Variants in PLEKHG6 observed in about 807,000 individuals in gnomAD.
The protein encoded by PLEKHG6 is pleckstrin homology and RhoGEF domain containing G6, also known as pleckstrin homology domain-containing family G member 6.
PLEKHG6 carries 91 observed loss-of-function variants against 97.5 expected under a neutral mutation model. That is an observed-to-expected ratio of 0.93 (90% confidence interval 0.79 to 1.11). The LOEUF (loss-of-function observed/expected upper bound fraction) is 1.11. Ranked by LOEUF, PLEKHG6 falls within the 50% of genes most tolerant of loss-of-function variation. The pLI is 0.00. For synonymous variants in PLEKHG6, 466 were observed against 425.5 expected, an observed-to-expected ratio of 1.10 and a Z score of -1.17; for missense variants, 1,044 against 1,031.0, an observed-to-expected ratio of 1.01 and a Z score of -0.17.
chr12:6,312,201 T>C lies in PLEKHG6; in HGVS notation c.-26T>C, dbSNP rs1292205202. On this transcript the variant is annotated 5_prime_UTR_variant, in exon 2 of 16. Transcript: ENST00000684764. ...CTCCTGGACATTGAAGATATGGCCC[T>C]TTGGAGGTGACCCAGGAGAGAAGGG... The C allele has an allele frequency of 2.7e-6, 4 of 1,464,306 alleles. No homozygotes were observed. The highest frequency in any genetic ancestry group is 1.8e-4 in the Middle Eastern group (1 of 5,534). 90.7% of individuals were successfully genotyped at this position (1,464,306 alleles called of 1,614,324 possible).
chr12:6,313,268 A>G (rs1947335914), intron 2 of PLEKHG6: 3 of 1,320,266 alleles, frequency 2.3e-6, no homozygotes, highest in Non-Finnish European at 3.2e-6. Flanking sequence ...TGTGTGCACC[A>G]CGCCTTGTCC....
At position 6,316,914 on chromosome 12, in the gene PLEKHG6, A is replaced by C. The variant is rs536845147; in HGVS notation, c.757-389A>C. 2.0e-5 allele frequency among the ~76,000 whole-genome samples: 3 copies of C among 152,276 alleles called. No individual in the cohort carries two copies. The highest frequency in any genetic ancestry group is 2.0e-4 in the Admixed American group (3 of 15,302). ...CCTGGGAGCCTTAGGTACCCCCTCCATAGGAGCAAGGCTTCTGAGCCAACT... is the reference window on the plus strand; with the variant it reads ...CCTGGGAGCCTTAGGTACCCCCTCCCTAGGAGCAAGGCTTCTGAGCCAACT... On this transcript the variant is annotated intron_variant, in intron 7 of 15. Transcript: ENST00000684764. This position sits in a 1 kb window ranked among gnomAD's most constrained non-coding sequence, Gnocchi z 4.1.
At chr12:6,317,438 G>T (rs769145952) in intron 8 of PLEKHG6, 25 bp downstream of exon 8, 1 of 1,609,276 alleles carries the variant, frequency 6.2e-7, no homozygotes. Flanking sequence ...GCTGGGGAGG[G>T]GGACGGGTGC....
rs1947415573 is a variant in PLEKHG6 at position 6,315,253 on chromosome 12, G to A, written c.459+84G>A. ...CTGCTCTAGAGGAGGGAAAGGCCTT[G>A]GGAAGTGGGGTCATGTGGAAAAAAC... On this transcript the variant is annotated intron_variant, in intron 4 of 15. Transcript: ENST00000684764. This position sits in a 1 kb window ranked among gnomAD's most constrained non-coding sequence, Gnocchi z 4.5. 1.5e-6 allele frequency: 2 copies of A among 1,334,500 alleles called. No homozygotes were observed. The highest frequency in any genetic ancestry group is 1.4e-5 in the South Asian group (1 of 71,298). 82.7% of individuals were successfully genotyped at this position (1,334,500 alleles called of 1,614,324 possible).
chr12:6,312,086 C>G (rs1479626808), intron 1 of PLEKHG6, 73 bp from the exon 2 acceptor site: 26 of 658,296 alleles, frequency 3.9e-5, no homozygotes, highest in South Asian at 5.9e-5. Flanking sequence ...GGCCCCCTAC[C>G]AGCCTTGGTC....
At chr12:6,313,837 G>A in intron 3 of PLEKHG6, 53 bp downstream of exon 3, 1 of 1,478,574 alleles carries the variant, frequency 6.8e-7, no homozygotes, top group Non-Finnish European at 9.1e-7. Flanking sequence ...AATTGTGATG[G>A]CTCCGCAGAT....
Position 6,316,184 on chromosome 12 carries a change from C to A in PLEKHG6, c.607-71C>A. ...CTGCTGTCCAAGCTTAAGGTCCTCA[C>A]CTTTCCTCAGCCAGTGCCACCCCTG... On this transcript the variant is annotated intron_variant, in intron 6 of 15. Coordinates refer to ENST00000684764, the MANE Select transcript of PLEKHG6 (RefSeq NM_001384598.1). This position sits in a 1 kb window ranked among gnomAD's most constrained non-coding sequence, Gnocchi z 4.1. 1 of 1,437,778 alleles carries A rather than the reference C, an allele frequency of 7.0e-7. No individual in the cohort carries two copies. The highest frequency in any genetic ancestry group is 9.3e-7 in the Non-Finnish European group (1 of 1,073,036). 89.1% of individuals were successfully genotyped at this position (1,437,778 alleles called of 1,614,324 possible).
chr12:6,315,587 G>A lies in PLEKHG6; in HGVS notation c.493G>A (p.Ala165Thr), dbSNP rs527470082. 67 of 1,586,280 alleles carry A rather than the reference G, an allele frequency of 4.2e-5. No individual in the cohort carries two copies. In the East Asian group the frequency reaches 1.4e-3, roughly 33 times the overall value. ...MSQELCHQQE[A>T]LWELLTTELI... Reference sequence around the variant, plus strand: ...CCAGGAGCTCTGCCACCAACAGGAGGCCCTGTGGGAGCTCCTGACCACCGA... The same window carrying A: ...CCAGGAGCTCTGCCACCAACAGGAGACCCTGTGGGAGCTCCTGACCACCGA... Residue 165 changes from alanine (A) to threonine (T), a missense_variant, in exon 5 of 16, where the codon GCC becomes ACC. Transcript: ENST00000684764. This position sits in a 1 kb window ranked among gnomAD's most constrained non-coding sequence, Gnocchi z 4.5.
Position 6,315,704 on chromosome 12 carries a change from C to A in PLEKHG6, c.555+55C>A. On this transcript the variant is annotated intron_variant, in intron 5 of 15. Transcript: ENST00000684764. The surrounding 1 kb of genome is among the most constrained non-coding windows in gnomAD (Gnocchi z 4.5). Reference sequence around the variant, plus strand: ...CCATCTTCCCTGCATGAGCCCCCATCCTCCCAGACTGGAAGGCAGGTCACT... The same window carrying A: ...CCATCTTCCCTGCATGAGCCCCCATACTCCCAGACTGGAAGGCAGGTCACT... The A allele has an allele frequency of 7.8e-7, 1 of 1,287,874 alleles. No individual in the cohort carries two copies. The highest frequency in any genetic ancestry group is 1.1e-6 in the Non-Finnish European group (1 of 918,474). The allele number at this position is 1,287,874 out of a possible 1,614,324, so 79.8% of individuals were successfully genotyped here.
At chr12:6,323,413 A>G (rs1394481234) in intron 13 of PLEKHG6, among the ~76,000 whole-genome samples, 6 of 152,266 alleles carry the variant, frequency 3.9e-5, no homozygotes, top group African/African-American at 1.4e-4. Flanking sequence ...TCCCTTTCAT[A>G]GAGCAATCCC....
intron 14 of PLEKHG6, 143 bp from the exon 15 acceptor site, chr12:6,327,111 T>A (rs1947886046): frequency 1.6e-6 from 1 of 617,770 alleles, no homozygotes; most frequent in Admixed American, 3.1e-5. Context: ...GCCAGCCAGA[T>A]GAGAAAAACA....
At chr12:6,323,280 A>C (rs1468723341) in intron 13 of PLEKHG6, among the ~76,000 whole-genome samples, 3 of 152,240 alleles carry the variant, frequency 2.0e-5, no homozygotes, top group Non-Finnish European at 2.9e-5. Context: ...TCCTTAGCAA[A>C]ACAAAGAAAA....
Position 6,316,311 on chromosome 12 carries a change from C to T in PLEKHG6, c.663C>T (p.Ser221=). 6.4e-7 allele frequency: 1 copy of T among 1,557,768 alleles called. No homozygotes were observed. Residue 221 remains serine, a synonymous_variant, in exon 7 of 16, where the codon AGC becomes AGT. Coordinates refer to ENST00000684764, the MANE Select transcript of PLEKHG6 (RefSeq NM_001384598.1). This position sits in a 1 kb window ranked among gnomAD's most constrained non-coding sequence, Gnocchi z 4.1. ...CCAGCCTGATTCGAACCCACCGGAG[C>T]TTTTGGGATGAGGTGCTGGGGCCCA... ...NVPSLIRTHR[S]FWDEVLGPTL...
chr12:6,318,897 A>C lies in PLEKHG6; in HGVS notation c.1408+20A>C, dbSNP rs750562337. 1 of 1,614,058 alleles carries C rather than the reference A, an allele frequency of 6.2e-7. No homozygotes were observed. The highest frequency in any genetic ancestry group is 8.5e-7 in the Non-Finnish European group (1 of 1,179,946). ...ACCCCAGTACGTCCTTCCTTCAGGG[A>C]GTCTTTTCTTCTCCCTCTTCTCAGC... On this transcript the variant is annotated intron_variant, in intron 12 of 15. Coordinates refer to ENST00000684764, the MANE Select transcript of PLEKHG6 (RefSeq NM_001384598.1).
At chr12:6,321,439 G>T (rs1389193373) in intron 13 of PLEKHG6, among the ~76,000 whole-genome samples, 3 of 152,082 alleles carry the variant, frequency 2.0e-5, no homozygotes, top group Admixed American at 6.6e-5. Context: ...GGTGACAGGA[G>T]GTTTATTGTA....
At chr12:6,313,428 C>A (rs550660364) in intron 2 of PLEKHG6, among the ~76,000 whole-genome samples, 88 of 152,332 alleles carry the variant, frequency 5.8e-4, no homozygotes, top group African/African-American at 2.0e-3. Flanking sequence ...TCTGCCCACT[C>A]AGCTTAGCCT....
intron 13 of PLEKHG6, chr12:6,319,528 G>A (rs1947629749): frequency 2.6e-6 from 4 of 1,521,082 alleles, no homozygotes; most frequent in Non-Finnish European, 3.5e-6. Flanking sequence ...GAGAGAGGCT[G>A]GGGTGGATTC....
chr12:6,318,391 G>A lies in PLEKHG6; in HGVS notation c.1246G>A (p.Val416Met). The change falls in exon 11 of 16, where the codon GTG becomes ATG. Residue 416 changes from valine to methionine, a missense_variant. Transcript: ENST00000684764. ...HTRQLLLEGPVRVKEGREGKL... is the reference protein window; with the variant it reads ...HTRQLLLEGPMRVKEGREGKL... ...CAGACAGCTGCTGCTGGAGGGGCCT[G>A]TGCGAGTGAAGGAGGGACGAGAAGG... 1 of 1,611,884 alleles carries A rather than the reference G, an allele frequency of 6.2e-7. No individual in the cohort carries two copies.
intron 1 of PLEKHG6, chr12:6,311,130 C>T (rs749928): frequency 0.54 from 82,633 of 152,078 alleles, 23,561 homozygotes; most frequent in East Asian, 0.89. Flanking sequence ...CAGGCCCACC[C>T]GGTCGGGGCA....
Sources: allele counts gnomAD v4.1 joint callset (sites outside exome capture counted in the v4.1 genomes callset), GRCh38; gene constraint gnomAD v4.1.1; non-coding constraint Gnocchi (gnomAD v3.1); transcripts MANE v1.5; gene names NCBI Gene and HGNC (gene_info 2026-07-23, HGNC 2026-07-21).